The following LLGL2 variants were observed in gnomAD, a reference collection of about 807,000 sequenced individuals.
The protein encoded by LLGL2 is LLGL2, scribble cell polarity complex component.
LLGL2 carries 81 observed loss-of-function variants against 123.2 expected under a neutral mutation model. That is an observed-to-expected ratio of 0.66 (90% CI 0.55 to 0.79). The LOEUF is 0.79. Ranked by LOEUF, LLGL2 falls within the 30% of genes least tolerant of loss-of-function variation. The pLI is 0.00. For missense variants in LLGL2, 1,273 were observed against 1,414.6 expected (o/e 0.90, Z 1.61); for synonymous variants, 577 against 594.1 (o/e 0.97, Z 0.42).
At chr17:75,530,555 C>T (rs1381229953) in intron 1 of LLGL2, among the ~76,000 whole-genome samples, 1 of 150,308 alleles carries the variant, frequency 6.7e-6, no homozygotes, top group Admixed American at 6.7e-5. Context: ...GAGGCTGAGG[C>T]AGGAGAATGG....
intron 2 of LLGL2, among the ~76,000 whole-genome samples, chr17:75,552,894 TG>T (rs1229218593): frequency 6.6e-6 from 1 of 152,252 alleles, no homozygotes; most frequent in African/African-American, 2.4e-5. Context: ...GGCCTGCTCC[TG>T]GCCAGGCCAT....
At chr17:75,551,894 C>T (rs1277686807) in intron 2 of LLGL2, among the ~76,000 whole-genome samples, 2 of 152,126 alleles carry the variant, frequency 1.3e-5, no homozygotes, top group Non-Finnish European at 2.9e-5. Context: ...TTTGGGAGGT[C>T]AAGGCGAGGA....
intron 10 of LLGL2, among the ~76,000 whole-genome samples, chr17:75,567,305 A>T (rs1189064869): frequency 6.6e-6 from 1 of 152,150 alleles, no homozygotes; most frequent in Non-Finnish European, 1.5e-5. Flanking sequence ...CTCTACTAAA[A>T]ATAAAAAATT....
intron 10 of LLGL2, among the ~76,000 whole-genome samples, chr17:75,566,443 C>T (rs2055446894): frequency 6.6e-6 from 1 of 152,168 alleles, no homozygotes; most frequent in African/African-American, 2.4e-5. Flanking sequence ...GCTGGGGTTA[C>T]GCTGTCTTTT....
intron 2 of LLGL2, among the ~76,000 whole-genome samples, chr17:75,552,750 C>A (rs1384474615): frequency 2.0e-5 from 3 of 152,302 alleles, no homozygotes; most frequent in Admixed American, 6.5e-5. Context: ...TCTTCTAGAA[C>A]CCGAGTTGTT....
At chr17:75,540,950 T>C (rs1333355823) in intron 1 of LLGL2, among the ~76,000 whole-genome samples, 1 of 152,188 alleles carries the variant, frequency 6.6e-6, no homozygotes, top group African/African-American at 2.4e-5. Context: ...CTTGTCTGTA[T>C]TTGGTTTTTC....
intron 2 of LLGL2, among the ~76,000 whole-genome samples, chr17:75,547,418 G>A (rs562258020): frequency 8.4e-4 from 128 of 152,210 alleles, no homozygotes; most frequent in Non-Finnish European, 1.6e-3. Flanking sequence ...CACAGTGGAC[G>A]CATTACTTAG....
At chr17:75,531,801 CCTCT>C (rs1423563205) in intron 1 of LLGL2, among the ~76,000 whole-genome samples, 6 of 152,190 alleles carry the variant, frequency 3.9e-5, no homozygotes, top group African/African-American at 1.4e-4. Context: ...CACAGCCCTG[CCTCT>C]CAGAGGAAAC....
At chr17:75,535,377 C>T (rs1202828411) in intron 1 of LLGL2, among the ~76,000 whole-genome samples, 2 of 152,262 alleles carry the variant, frequency 1.3e-5, no homozygotes, top group African/African-American at 4.8e-5. Flanking sequence ...GAGCAGGCAG[C>T]TGGCGCTGGG....
Position 75,558,589 on chromosome 17 carries a change from G to A in LLGL2, c.333G>A (p.Leu111=). ...SLKVKGGASE[L]QEDESFTLRG... The stretch of plus-strand genomic sequence containing the variant: ...AGGTCAAGGGCGGGGCATCGGAGCT[G>A]CAGGAGGATGAGAGCTTCACACTGC... Residue 111 remains leucine, a synonymous_variant, in exon 5 of 26, where the codon CTG becomes CTA. Transcript: ENST00000392550. This position sits in a 1 kb window ranked among gnomAD's most constrained non-coding sequence, Gnocchi z 4.0. 1 of 1,611,102 alleles carries A rather than the reference G, an allele frequency of 6.2e-7. No individual in the cohort carries two copies. The highest frequency in any genetic ancestry group is 8.5e-7 in the Non-Finnish European group (1 of 1,178,908).
At position 75,549,030 on chromosome 17, in the gene LLGL2, C is replaced by G. The variant is rs552705816; in HGVS notation, c.75+5529C>G. ...AGGGCTTGCACAGCTGGAGCTTATC[C>G]GGGGCAGGGGCACTGGCTGGGGTGA... On this transcript the variant is annotated intron_variant, in intron 2 of 25. Coordinates refer to ENST00000392550, the MANE Select transcript of LLGL2 (RefSeq NM_001031803.2). This position sits in a 1 kb window ranked among gnomAD's most constrained non-coding sequence, Gnocchi z 4.0. 1.3e-5 allele frequency among the ~76,000 whole-genome samples: 2 copies of G among 151,972 alleles called. No homozygotes were observed. The highest frequency in any genetic ancestry group is 2.9e-5 in the Non-Finnish European group (2 of 68,020).
In LLGL2 at chr17:75,528,313, C is replaced by T. The variant is rs1017197766; in HGVS notation, c.-31+2488C>T. On this transcript the variant is annotated intron_variant, in intron 1 of 25. Coordinates refer to ENST00000392550, the MANE Select transcript of LLGL2 (RefSeq NM_001031803.2). Reference sequence around the variant, plus strand: ...TGTATTTTTAGTAGAGATGGGGTTTCACTGTGTTAGCCAAGATGGTCTCGA... The same window carrying T: ...TGTATTTTTAGTAGAGATGGGGTTTTACTGTGTTAGCCAAGATGGTCTCGA... Among the ~76,000 whole-genome samples the T allele has an allele frequency of 5.9e-4, 90 of 152,152 alleles. 1 individual carries two copies. Among genetic ancestry groups the T allele is most frequent in the African/African-American group, 2.1e-3 (88 of 41,546 alleles).
intron 1 of LLGL2, among the ~76,000 whole-genome samples, chr17:75,531,689 T>C (rs997746751): frequency 6.6e-6 from 1 of 152,182 alleles, no homozygotes; most frequent in African/African-American, 2.4e-5. Flanking sequence ...ACCAGCACTG[T>C]TTGCCCTCCC....
chr17:75,573,009 C>G lies in LLGL2; in HGVS notation c.2461-5C>G. ...TGGGCATGAACAACCACCCCACGCC[C>G]CCAGGTGTTCACGCTGCCCAAGGTG... is the stretch of plus-strand genomic sequence containing the variant. On this transcript the variant is annotated splice_polypyrimidine_tract_variant and splice_region_variant and intron_variant, in intron 19 of 25. Coordinates refer to ENST00000392550, the MANE Select transcript of LLGL2 (RefSeq NM_001031803.2). 6.2e-7 allele frequency: 1 copy of G among 1,600,302 alleles called. No individual in the cohort carries two copies. Among genetic ancestry groups the G allele is most frequent in the Non-Finnish European group, 8.5e-7 (1 of 1,170,776 alleles).
rs750945305 is a variant in LLGL2, at chr17:75,564,405, C to T, written c.934C>T (p.Arg312Cys). ...CATGCCACGGGCCAGCTACGGGGAC[C>T]GCCACTGCATCTCAGTGATCCACGA... ...GGMPRASYGD[R>C]HCISVIHDGQ... Residue 312 changes from arginine to cysteine, a missense_variant, in exon 10 of 26, where the codon CGC becomes TGC. Coordinates refer to ENST00000392550, the MANE Select transcript of LLGL2 (RefSeq NM_001031803.2). The surrounding 1 kb of genome is among the most constrained non-coding windows in gnomAD (Gnocchi z 4.9). The T allele has an allele frequency of 5.6e-6, 9 of 1,613,132 alleles. No individual in the cohort carries two copies. The highest frequency in any genetic ancestry group is 1.7e-5 in the Admixed American group (1 of 60,000).
At chr17:75,526,689 A>AC (rs1442170104) in intron 1 of LLGL2, among the ~76,000 whole-genome samples, 4 of 151,558 alleles carry the variant, frequency 2.6e-5, no homozygotes, top group Admixed American at 2.6e-4. Context: ...GGCTCCAGGG[A>AC]CCCCCTGCTG....
At position 75,559,327 on chromosome 17, in the gene LLGL2, GA is replaced by G. The variant is rs757960258; in HGVS notation, c.448del (p.Ser150ValfsTer56). The G allele has an allele frequency of 1.9e-5, 30 of 1,613,534 alleles. No homozygotes were observed. Among genetic ancestry groups the G allele is most frequent in the Non-Finnish European group, 2.5e-5 (29 of 1,179,996 alleles). ...SCELLYLGTE[S>X]GNVFVVQLPA... The stretch of plus-strand genomic sequence containing the variant: ...GCGAGCTGCTCTACCTGGGCACCGA[GA>G]GTGGCAACGTGTTTGTGGTGCAGCT... On this transcript the variant is annotated frameshift_variant, in exon 6 of 26. Transcript: ENST00000392550. LOFTEE classifies it high-confidence loss of function. This position sits in a 1 kb window ranked among gnomAD's most constrained non-coding sequence, Gnocchi z 4.6.
chr17:75,554,302 CAAAAAAAAA>C (rs72439797), intron 2 of LLGL2, among the ~76,000 whole-genome samples: 2 of 134,000 alleles, frequency 1.5e-5, no homozygotes, highest in African/African-American at 3.1e-5. Flanking sequence ...AACTCCGTCT[CAAAAAAAAA>C]AAAAAAAAAG....
Position 75,556,160 on chromosome 17 carries a change from C to T in LLGL2, c.173+17C>T, listed in dbSNP as rs911943346. On this transcript the variant is annotated intron_variant, in intron 3 of 25. Coordinates refer to ENST00000392550, the MANE Select transcript of LLGL2 (RefSeq NM_001031803.2). ...CATCAAGCTGTATCCTCCGTCCCCT[C>T]GCTCCCACTCGGGCAGGGCCTTGGG... is the stretch of plus-strand genomic sequence containing the variant. 8 of 1,592,570 alleles carry T rather than the reference C, an allele frequency of 5.0e-6. No individual in the cohort carries two copies. The highest frequency in any genetic ancestry group is 3.3e-5 in the South Asian group (3 of 90,694).
Sources: allele counts gnomAD v4.1 joint callset (sites outside exome capture counted in the v4.1 genomes callset), GRCh38; gene constraint gnomAD v4.1.1; non-coding constraint Gnocchi (gnomAD v3.1); transcripts MANE v1.5; gene names NCBI Gene and HGNC (gene_info 2026-07-23, HGNC 2026-07-21).